FAM120B: variants seen among roughly 807,000 people sequenced by gnomAD.
The protein encoded by FAM120B is constitutive coactivator of peroxisome proliferator-activated receptor gamma.
A neutral mutation model predicts 96.3 loss-of-function variants in FAM120B; 83 were observed. The observed-to-expected ratio is 0.86, with a 90% CI of 0.72 to 1.03. The LOEUF is 1.03. FAM120B is among the 50% of genes least tolerant of loss of function. FAM120B has a pLI of 0.00. For missense variants in FAM120B, 1,027 were observed against 1,121.2 expected, an observed-to-expected ratio of 0.92 and a Z score of 1.20; for synonymous variants, 407 against 402.7, an observed-to-expected ratio of 1.01 and a Z score of -0.13.
intron 6 of FAM120B, among the ~76,000 whole-genome samples, chr6:170,358,528 G>A (rs1387142448): frequency 6.6e-6 from 1 of 152,252 alleles, no homozygotes. Flanking sequence ...CTCAGTTCCA[G>A]TTTTGTGAAA....
At chr6:170,356,835 G>T (rs909908809) in intron 5 of FAM120B, among the ~76,000 whole-genome samples, 1 of 152,134 alleles carries the variant, frequency 6.6e-6, no homozygotes, top group African/African-American at 2.4e-5. Context: ...ACTCATCTGA[G>T]AATATCCTCT....
At chr6:170,355,080 C>T (rs9459994) in intron 5 of FAM120B, among the ~76,000 whole-genome samples, 24,695 of 151,954 alleles carry the variant, frequency 0.16, 3,105 homozygotes, top group East Asian at 0.59. Context: ...CAAATGGTGG[C>T]GAGGTTGCAG....
rs531864870 is a variant in FAM120B, at chr6:170,366,298, T to C, written c.2283+7980T>C. 5.3e-5 allele frequency among the ~76,000 whole-genome samples: 8 copies of C among 152,124 alleles called. No individual in the cohort carries two copies. The East Asian group carries it at 1.2e-3, about 22-fold the overall frequency. On this transcript the variant is annotated intron_variant, in intron 6 of 10. Transcript: ENST00000476287. Reference sequence around the variant, plus strand: ...GTGGGGAGCTGAGAGCTGGGACTCATGGGTGGGGGAAGCGGTTAGGTTCTG... The same window carrying C: ...GTGGGGAGCTGAGAGCTGGGACTCACGGGTGGGGGAAGCGGTTAGGTTCTG...
rs1195977237 is a variant in FAM120B at position 170,319,110 on chromosome 6, A to G, written c.1720A>G (p.Thr574Ala). ...VKQQVTMVSD[T>A]EILKVARTHH... Reference sequence around the variant, plus strand: ...GCAACAAGTAACCATGGTTTCAGACACTGAAATCTTAAAGGTATGTGTATC... The same window carrying G: ...GCAACAAGTAACCATGGTTTCAGACGCTGAAATCTTAAAGGTATGTGTATC... Residue 574 changes from threonine (T) to alanine (A), a missense_variant, in exon 2 of 11, where the codon ACT becomes GCT. Around this residue, in one of 3 missense-constraint regions of FAM120B, gnomAD observed 880 missense variants for 980.9 expected, o/e 0.90. Transcript: ENST00000476287. 6 of 1,563,622 alleles carry G rather than the reference A, an allele frequency of 3.8e-6. No homozygotes were observed. Among genetic ancestry groups the G allele is most frequent in the Admixed American group, 3.9e-5 (2 of 50,796 alleles).
chr6:170,393,673 GTCCC>G lies in FAM120B; in HGVS notation c.2600-1811_2600-1808del, dbSNP rs1224471765. ...ATCCAACTTAAGGTTCTATGGTTCAGTCCCTCATTTTGCTGAAGAACCTTATGCC... is the reference window on the plus strand; with the variant it reads ...ATCCAACTTAAGGTTCTATGGTTCAGTCATTTTGCTGAAGAACCTTATGCC... On this transcript the variant is annotated intron_variant, in intron 8 of 10. Transcript: ENST00000476287. Among the ~76,000 whole-genome samples the G allele has an allele frequency of 4.6e-5, 7 of 152,190 alleles. No homozygotes were observed. In the East Asian group the frequency reaches 1.3e-3, roughly 29 times the overall value.
intron 4 of FAM120B, among the ~76,000 whole-genome samples, chr6:170,347,662 G>C (rs1033634858): frequency 3.9e-5 from 6 of 152,114 alleles, no homozygotes; most frequent in African/African-American, 1.4e-4. Context: ...AATCAAATCA[G>C]AGTTTCTGCA....
rs1055282434 is a variant in FAM120B, at chr6:170,295,419, G to A, written c.14G>A (p.Arg5Gln). Residue 5 changes from arginine to glutamine, a missense_variant, in exon 1 of 11, where the codon CGA (arginine) becomes CAA (glutamine). Transcript: ENST00000537664. The surrounding 1 kb of genome is among the most constrained non-coding windows in gnomAD (Gnocchi z 7.8). ...TCGATCTGGTTTATGTTTGGACCTC[G>A]AGGCTCCACCAGCGCTGGCGCAGGC... 15 of 701,728 alleles carry A rather than the reference G, an allele frequency of 2.1e-5. No homozygotes were observed. The highest frequency in any genetic ancestry group is 3.5e-5 in the African/African-American group (2 of 57,174). The allele number at this position is 701,728 out of a possible 1,614,324, so 43.5% of individuals were successfully genotyped here.
chr6:170,292,150 C>T (rs560979385), upstream of FAM120B, among the ~76,000 whole-genome samples: 1 of 152,352 alleles, frequency 6.6e-6, no homozygotes, highest in Admixed American at 6.5e-5. This position sits in a 1 kb window ranked among gnomAD's most constrained non-coding sequence, Gnocchi z 6.6. Context: ...TCTAAAGCCC[C>T]TCCAGCCCCG....
Position 170,355,498 on chromosome 6 carries a change from T to A in FAM120B, c.2191-2728T>A, listed in dbSNP as rs1434413499. 2.6e-5 allele frequency among the ~76,000 whole-genome samples: 4 copies of A among 151,456 alleles called. No homozygotes were observed. The East Asian group carries it at 7.8e-4, about 30-fold the overall frequency. ...ACCAAATATTGCATGTTCTCACTTA[T>A]AAGGGGGAGCTGAATGATGAGAACA... On this transcript the variant is annotated intron_variant, in intron 5 of 10. Coordinates refer to ENST00000476287, the MANE Select transcript of FAM120B (RefSeq NM_032448.3).
At chr6:170,394,080 G>C (rs1385207324) in intron 8 of FAM120B, among the ~76,000 whole-genome samples, 4 of 152,246 alleles carry the variant, frequency 2.6e-5, no homozygotes, top group Non-Finnish European at 5.9e-5. Flanking sequence ...ACCCTGGCCA[G>C]ATGTGAGGAG....
chr6:170,317,739 C>T lies in FAM120B; in HGVS notation c.349C>T (p.His117Tyr). 2 of 1,614,108 alleles carry T rather than the reference C, an allele frequency of 1.2e-6. No individual in the cohort carries two copies. Among genetic ancestry groups the T allele is most frequent in the Non-Finnish European group, 1.7e-6 (2 of 1,179,984 alleles). ...KNNREISRIF[H>Y]YIKSHKEQPG... is the part of the protein sequence containing the mutation. Reference sequence around the variant, plus strand: ...CAACAGGGAGATATCCAGGATTTTTCATTACATCAAGTCACACAAGGAGCA... The same window carrying T: ...CAACAGGGAGATATCCAGGATTTTTTATTACATCAAGTCACACAAGGAGCA... Residue 117 changes from histidine to tyrosine, a missense_variant, in exon 2 of 11, where the codon CAT becomes TAT. Around this residue, in one of 3 missense-constraint regions of FAM120B, gnomAD observed 880 missense variants for 980.9 expected, o/e 0.90. Coordinates refer to ENST00000476287, the MANE Select transcript of FAM120B (RefSeq NM_032448.3).
chr6:170,312,706 G>C (rs867496902), intron 1 of FAM120B, among the ~76,000 whole-genome samples: 1 of 145,778 alleles, frequency 6.9e-6, no homozygotes, highest in Admixed American at 7.1e-5. Context: ...TTTCTTTGAG[G>C]TGCCGATGTT....
At chr6:170,371,144 A>C (rs201813400) in intron 6 of FAM120B, among the ~76,000 whole-genome samples, 1 of 147,240 alleles carries the variant, frequency 6.8e-6, no homozygotes, top group Non-Finnish European at 1.5e-5. Flanking sequence ...CCCTCCCCCC[A>C]GCCCCAGCCC....
At chr6:170,367,682 T>C (rs957962931) in intron 6 of FAM120B, among the ~76,000 whole-genome samples, 56 of 152,358 alleles carry the variant, frequency 3.7e-4, no homozygotes, top group Non-Finnish European at 1.9e-4. Context: ...ACCCCATGCG[T>C]GAATGTAGCA....
intron 6 of FAM120B, among the ~76,000 whole-genome samples, chr6:170,366,760 CT>C (rs1332573561): frequency 1.3e-5 from 2 of 152,218 alleles, no homozygotes; most frequent in Non-Finnish European, 2.9e-5. Flanking sequence ...CAAATGAGTA[CT>C]TTGTCGGCAT....
chr6:170,304,419 G>A (rs940986107), upstream of FAM120B, among the ~76,000 whole-genome samples: 1 of 152,194 alleles, frequency 6.6e-6, no homozygotes, highest in Non-Finnish European at 1.5e-5. Context: ...GGTCTTCCTA[G>A]GTTTGTTGTG....
At chr6:170,358,041 T>C (rs1562563135) in intron 5 of FAM120B, among the ~76,000 whole-genome samples, 185 bp from the exon 6 acceptor site, 1 of 151,930 alleles carries the variant, frequency 6.6e-6, no homozygotes, top group East Asian at 1.9e-4. Context: ...CCTGTGCGTG[T>C]ACCCATGTGT....
At chr6:170,304,702 G>A (rs1236829302), upstream of FAM120B, among the ~76,000 whole-genome samples, 6 of 151,992 alleles carry the variant, frequency 3.9e-5, no homozygotes, top group South Asian at 2.1e-4. Flanking sequence ...AACCTCCTGC[G>A]CATGAGAGTT....
rs1201729238 is a variant in FAM120B, at chr6:170,363,605, G to A, written c.2283+5287G>A. ...ATACAGGTCCCAGGCAAGGCCTGAA[G>A]CCCCAGTTTTTACTTTATTTTGATT... On this transcript the variant is annotated intron_variant, in intron 6 of 10. Transcript: ENST00000476287. The surrounding 1 kb of genome is among the most constrained non-coding windows in gnomAD (Gnocchi z 4.5). Among the ~76,000 whole-genome samples the A allele has an allele frequency of 6.6e-6, 1 of 152,216 alleles. No individual in the cohort carries two copies. Among genetic ancestry groups the A allele is most frequent in the African/African-American group, 2.4e-5 (1 of 41,456 alleles).
Sources: gnomAD v4.1 joint callset for allele counts (sites outside exome capture counted in the v4.1 genomes callset) on GRCh38, gnomAD v4.1.1 for gene constraint, gnomAD v4.1.1 regional missense constraint, Gnocchi (gnomAD v3.1) non-coding constraint, MANE v1.5 for transcripts, NCBI Gene and HGNC (gene_info 2026-07-23, HGNC 2026-07-21) for gene names.